The following CDH12 variants were observed in gnomAD, a reference collection of about 807,000 sequenced individuals.
CDH12 encodes cadherin-12.
In CDH12, 41 loss-of-function variants were observed where a neutral mutation model predicts 74.1. That is an observed-to-expected ratio of 0.55 (90% CI 0.43 to 0.72). CDH12 has a LOEUF of 0.72. Among genes scored for constraint, CDH12 ranks in the 30% least tolerant of loss-of-function variants. The probability of loss-of-function intolerance (pLI) is 0.00; values close to 1 mark genes in which losing one functional copy is unlikely to be tolerated. For synonymous variants in CDH12, 399 were observed against 355.0 expected (o/e 1.12, Z -1.39); for missense variants, 945 against 977.2 (o/e 0.97, Z 0.44).
At chr5:21,930,408 A>C (rs552685916) in intron 6 of CDH12, among the ~76,000 whole-genome samples, 1 of 152,306 alleles carries the variant, frequency 6.6e-6, no homozygotes, top group African/African-American at 2.4e-5. Context: ...ACAAAGTGTA[A>C]TCTTAGTAAT....
intron 11 of CDH12, among the ~76,000 whole-genome samples, chr5:21,775,390 T>A (rs773496641): frequency 2.0e-5 from 3 of 152,072 alleles, no homozygotes; most frequent in Admixed American, 6.6e-5. Flanking sequence ...CATAGTAAGC[T>A]GGGGGCACAC....
chr5:22,631,135 A>G (rs1268735099), intron 1 of CDH12, among the ~76,000 whole-genome samples: 1 of 152,194 alleles, frequency 6.6e-6, no homozygotes, highest in Non-Finnish European at 1.5e-5. Context: ...TCAAAAAATA[A>G]CAGACGCTAT....
intron 2 of CDH12, among the ~76,000 whole-genome samples, chr5:22,422,304 T>C (rs1743685966): frequency 6.6e-6 from 1 of 152,308 alleles, no homozygotes; most frequent in East Asian, 1.9e-4. Context: ...TGAAGGGATG[T>C]TGAATTTTAT....
intron 5 of CDH12, among the ~76,000 whole-genome samples, chr5:22,070,672 C>A (rs959822928): frequency 3.9e-5 from 6 of 152,260 alleles, no homozygotes; most frequent in Non-Finnish European, 2.9e-5. Flanking sequence ...CTGCATGAAC[C>A]AATTTCTTAA....
At chr5:21,986,097 A>T (rs985138281) in intron 5 of CDH12, among the ~76,000 whole-genome samples, 1 of 152,144 alleles carries the variant, frequency 6.6e-6, no homozygotes, top group African/African-American at 2.4e-5. Flanking sequence ...TAACAGACCC[A>T]GAGCTATTTA....
At chr5:22,666,837 T>G (rs1390463017) in intron 1 of CDH12, among the ~76,000 whole-genome samples, 1 of 152,192 alleles carries the variant, frequency 6.6e-6, no homozygotes, top group African/African-American at 2.4e-5. Flanking sequence ...AATTGATGTT[T>G]TATAAAAGTT....
intron 4 of CDH12, among the ~76,000 whole-genome samples, chr5:22,092,464 T>G (rs1028109435): frequency 6.6e-6 from 1 of 152,114 alleles, no homozygotes; most frequent in Non-Finnish European, 1.5e-5. Context: ...TGAATAGACA[T>G]TTCTCCAAAT....
chr5:22,064,974 T>C (rs1741459033), intron 5 of CDH12, among the ~76,000 whole-genome samples: 1 of 152,170 alleles, frequency 6.6e-6, no homozygotes, highest in African/African-American at 2.4e-5. Context: ...AAATGGCACT[T>C]GGAAAGCTGG....
intron 1 of CDH12, among the ~76,000 whole-genome samples, chr5:22,749,661 C>T (rs1170512492): frequency 3.3e-5 from 5 of 152,120 alleles, no homozygotes; most frequent in Non-Finnish European, 4.4e-5. Flanking sequence ...ATATCTACTA[C>T]GTATGTCACT....
At chr5:22,653,884 G>C (rs1284079896) in intron 1 of CDH12, among the ~76,000 whole-genome samples, 1 of 152,116 alleles carries the variant, frequency 6.6e-6, no homozygotes, top group African/African-American at 2.4e-5. Flanking sequence ...AAGTCTCCGA[G>C]CTTATCCCTA....
intron 6 of CDH12, among the ~76,000 whole-genome samples, chr5:21,953,609 T>C (rs921907639): frequency 2.6e-5 from 4 of 152,162 alleles, no homozygotes; most frequent in African/African-American, 9.6e-5. Flanking sequence ...AAGGAAGAAA[T>C]AATTCTCCAC....
intron 5 of CDH12, among the ~76,000 whole-genome samples, chr5:21,975,637 C>T (rs542949470): frequency 1.2e-3 from 189 of 152,266 alleles, no homozygotes; most frequent in African/African-American, 4.4e-3. Context: ...AAACATTCCT[C>T]CATTCGTCTA....
At chr5:22,453,147 A>C (rs1351675956) in intron 2 of CDH12, among the ~76,000 whole-genome samples, 2 of 152,106 alleles carry the variant, frequency 1.3e-5, no homozygotes, top group African/African-American at 4.8e-5. Flanking sequence ...AATGTAAATT[A>C]GTACAGCCAC....
rs1443714175 is a variant in CDH12 at position 21,887,180 on chromosome 5, T to A, written c.527-32390A>T. On this transcript the variant is annotated intron_variant, in intron 6 of 14. Transcript: ENST00000382254. ...TATACTTCCATTTTATCTTTCTCTC[T>A]CCACTTTAGAATATCTCCCTGATGA... Among the ~76,000 whole-genome samples the A allele has an allele frequency of 3.9e-5, 6 of 152,162 alleles. No individual in the cohort carries two copies. In the South Asian group the frequency reaches 1.2e-3, roughly 31 times the overall value.
chr5:21,759,399 A>G (rs965090474), intron 13 of CDH12, among the ~76,000 whole-genome samples: 1 of 151,646 alleles, frequency 6.6e-6, no homozygotes, highest in African/African-American at 2.4e-5. Flanking sequence ...TATGCAAACC[A>G]TGTCTCTCCC....
intron 1 of CDH12, among the ~76,000 whole-genome samples, chr5:22,573,445 T>C (rs1180096251): frequency 6.6e-6 from 1 of 152,094 alleles, no homozygotes; most frequent in African/African-American, 2.4e-5. Context: ...ATAAAAAATA[T>C]TGCTCAGATC....
At chr5:22,149,721 C>T (rs1414516845) in intron 4 of CDH12, among the ~76,000 whole-genome samples, 3 of 152,002 alleles carry the variant, frequency 2.0e-5, no homozygotes, top group African/African-American at 4.8e-5. Flanking sequence ...TTTCACTTGC[C>T]TTGGCCTCCC....
At chr5:22,104,404 T>C (rs1378814552) in intron 4 of CDH12, among the ~76,000 whole-genome samples, 3 of 151,996 alleles carry the variant, frequency 2.0e-5, no homozygotes, top group Non-Finnish European at 2.9e-5. Flanking sequence ...GAAAGAGATA[T>C]TGCTTTATTT....
intron 3 of CDH12, among the ~76,000 whole-genome samples, chr5:22,251,902 A>C (rs1753148819): frequency 6.6e-6 from 1 of 152,146 alleles, no homozygotes; most frequent in African/African-American, 2.4e-5. Flanking sequence ...GATATTTTAA[A>C]AATACCCCCA....
Sources: allele counts gnomAD v4.1 joint callset (sites outside exome capture counted in the v4.1 genomes callset), GRCh38; gene constraint gnomAD v4.1.1; transcripts MANE v1.5; gene names NCBI Gene and HGNC (gene_info 2026-07-23, HGNC 2026-07-21).